Variants in TEX11 observed in about 807,000 individuals in gnomAD.
TEX11 encodes testis-expressed protein 11.
In TEX11, 7 loss-of-function variants were observed where a neutral mutation model predicts 84.4. The observed-to-expected ratio is 0.08, with a 90% CI of 0.05 to 0.16. The LOEUF (loss-of-function observed/expected upper bound fraction) is 0.16. Among genes scored for constraint, TEX11 ranks in the 10% least tolerant of loss-of-function variants. The pLI, the probability that TEX11 is intolerant of heterozygous loss-of-function variation, is 1.00. For synonymous variants in TEX11, 264 were observed against 222.8 expected, an observed-to-expected ratio of 1.18 and a Z score of -1.64; for missense variants, 551 against 660.5, an observed-to-expected ratio of 0.83 and a Z score of 1.82.
At chrX:70,628,249 A>G (rs2089471445) in intron 18 of TEX11, among the ~76,000 whole-genome samples, 1 of 108,869 alleles carries the variant, frequency 9.2e-6, no homozygotes. Flanking sequence ...AAAAGCCACT[A>G]TTACATCAGG....
intron 7 of TEX11, among the ~76,000 whole-genome samples, chrX:70,846,960 A>G (rs367748930): frequency 2.7e-5 from 3 of 111,377 alleles, no homozygotes; most frequent in East Asian, 5.6e-4. Context: ...GTGATGCCCC[A>G]ATTTTGGAGG....
chrX:70,743,863 TATCTCAAAACACACACACAC>T (rs2090749664), intron 10 of TEX11, among the ~76,000 whole-genome samples: 1 of 86,719 alleles, frequency 1.2e-5, no homozygotes, highest in Non-Finnish European at 2.2e-5. Context: ...AGCGAGACTC[TATCTCAAAACACACACACAC>T]ACACACACAC....
At chrX:70,863,262 C>T (rs1469290188) in intron 4 of TEX11, among the ~76,000 whole-genome samples, 1 of 111,947 alleles carries the variant, frequency 8.9e-6, no homozygotes, top group Non-Finnish European at 1.9e-5. Context: ...TCCCTGACCC[C>T]CGTGCCTCCT....
intron 6 of TEX11, 27 bp downstream of exon 6, chrX:70,853,221 C>T: frequency 8.3e-7 from 1 of 1,207,821 alleles, no homozygotes; most frequent in Non-Finnish European, 1.1e-6. Context: ...TAATAATTGC[C>T]TCAGCTAAAA....
At chrX:70,821,416 T>C (rs952155376) in intron 8 of TEX11, among the ~76,000 whole-genome samples, 2 of 111,179 alleles carry the variant, frequency 1.8e-5, no homozygotes, top group East Asian at 2.8e-4. Flanking sequence ...CCTTTTGCTG[T>C]TGTCATGATA....
At chrX:70,825,501 A>T (rs1602158683) in intron 8 of TEX11, among the ~76,000 whole-genome samples, 1 of 111,053 alleles carries the variant, frequency 9.0e-6, no homozygotes, top group East Asian at 2.8e-4. Flanking sequence ...AAACTGTTTG[A>T]ACAAATAATT....
chrX:70,853,414 C>T, intron 5 of TEX11, 86 bp from the exon 6 acceptor site: 1 of 629,711 alleles, frequency 1.6e-6, no homozygotes, highest in Non-Finnish European at 2.5e-6. Flanking sequence ...ATATTGAATC[C>T]TCTGTCCATA....
chrX:70,564,487 A>C (rs1286470193), intron 25 of TEX11, among the ~76,000 whole-genome samples: 8 of 109,121 alleles, frequency 7.3e-5, no homozygotes, highest in South Asian at 4.1e-4. Context: ...ATGTGCCATG[A>C]TGGTGTGCTG....
Position 70,722,609 on chromosome X carries a change from A to G in TEX11, c.1004+9T>C. 8.3e-7 allele frequency: 1 copy of G among 1,198,343 alleles called. No individual in the cohort carries two copies. Among genetic ancestry groups the G allele is most frequent in the African/African-American group, 1.7e-5 (1 of 57,480 alleles). Reference sequence around the variant, plus strand: ...TCAGTCTTTAGAGAAAGGGAAATCAATTCTGTACCTTTCATGATCCATCAG... The same window carrying G: ...TCAGTCTTTAGAGAAAGGGAAATCAGTTCTGTACCTTTCATGATCCATCAG... On this transcript the variant is annotated intron_variant, in intron 13 of 29. Coordinates refer to ENST00000374333, the MANE Select transcript of TEX11 (RefSeq NM_031276.3).
chrX:70,664,404 C>T (rs1316726814), intron 16 of TEX11, among the ~76,000 whole-genome samples: 1 of 111,331 alleles, frequency 9.0e-6, no homozygotes, highest in Non-Finnish European at 1.9e-5. Context: ...ATCATTTCAA[C>T]CTATTAAGGT....
At chrX:70,800,351 TTACCTA>T (rs1474531684) in intron 9 of TEX11, among the ~76,000 whole-genome samples, 1 of 111,113 alleles carries the variant, frequency 9.0e-6, no homozygotes, top group Non-Finnish European at 1.9e-5. Context: ...TGACATGAGT[TTACCTA>T]TGTAACAAAC....
In TEX11 at chrX:70,898,667, G is replaced by A. The variant is rs192241114; in HGVS notation, c.37+9086C>T. Among the ~76,000 whole-genome samples, 23 of 106,933 alleles carry A rather than the reference G, an allele frequency of 2.2e-4. No individual in the cohort carries two copies. The East Asian group carries it at 6.7e-3, about 31-fold the overall frequency. The allele number at this position is 106,933 out of a possible 115,157, so 92.9% of individuals were successfully genotyped here. On this transcript the variant is annotated intron_variant, in intron 2 of 29. Transcript: ENST00000374333. ...GTCGGCCAGGCTGGAGTGCAGTGGC[G>A]CAATCTCAGCTCACTGCAAGCTCCG...
chrX:70,520,950 G>A, the TEX11 span, among the ~76,000 whole-genome samples: 1 of 112,338 alleles, frequency 8.9e-6, no homozygotes, highest in African/African-American at 3.2e-5. Context: ...AGCCAGGCAC[G>A]GGATATAATC....
intron 20 of TEX11, among the ~76,000 whole-genome samples, chrX:70,618,475 G>C (rs1317524284): frequency 4.5e-5 from 5 of 111,459 alleles, no homozygotes; most frequent in African/African-American, 1.3e-4. Context: ...CTCTGAAGTT[G>C]AACCTGGACA....
At chrX:70,844,587 T>C (rs1253152675) in intron 7 of TEX11, among the ~76,000 whole-genome samples, 1 of 109,729 alleles carries the variant, frequency 9.1e-6, no homozygotes, top group African/African-American at 3.3e-5. Context: ...GTTGTGCACA[T>C]GTACCCTAAA....
intron 9 of TEX11, among the ~76,000 whole-genome samples, chrX:70,790,434 C>T (rs1368818674): frequency 9.0e-6 from 1 of 111,434 alleles, no homozygotes; most frequent in African/African-American, 3.3e-5. Flanking sequence ...AGTCAACACA[C>T]TCCCACCACG....
intron 9 of TEX11, among the ~76,000 whole-genome samples, chrX:70,797,002 A>C (rs767968548): frequency 7.0e-4 from 79 of 112,389 alleles, no homozygotes; most frequent in Non-Finnish European, 1.3e-3. Flanking sequence ...GAATTCTTTT[A>C]CACTGTTGGT....
intron 2 of TEX11, among the ~76,000 whole-genome samples, chrX:70,898,133 T>C (rs917357757): frequency 6.3e-5 from 7 of 111,753 alleles, no homozygotes; most frequent in Non-Finnish European, 9.4e-5. Flanking sequence ...ATCATGAGGA[T>C]TGCACTACCA....
intron 17 of TEX11, among the ~76,000 whole-genome samples, chrX:70,640,399 G>C (rs1381468732): frequency 8.7e-5 from 9 of 103,812 alleles, no homozygotes; most frequent in Middle Eastern, 4.9e-3. Flanking sequence ...CCAACGTTCA[G>C]ATTCAGGAAA....
Sources: allele counts gnomAD v4.1 joint callset (sites outside exome capture counted in the v4.1 genomes callset), GRCh38; gene constraint gnomAD v4.1.1; transcripts MANE v1.5; gene names NCBI Gene and HGNC (gene_info 2026-07-23, HGNC 2026-07-21).